The following SARDH variants were observed in gnomAD, a reference collection of about 807,000 sequenced individuals.
SARDH encodes the protein sarcosine dehydrogenase.
In SARDH, 95 loss-of-function variants were observed where a neutral mutation model predicts 109.1. That is an observed-to-expected ratio of 0.87 (90% CI 0.74 to 1.03). The LOEUF is 1.03. Ranked by LOEUF, SARDH falls within the 50% of genes least tolerant of loss-of-function variation. SARDH has a pLI of 0.00. For missense variants in SARDH, 1,267 were observed against 1,287.8 expected, an observed-to-expected ratio of 0.98 and a Z score of 0.25; for synonymous variants, 572 against 534.8, an observed-to-expected ratio of 1.07 and a Z score of -0.96.
intron 14 of SARDH, 74 bp downstream of exon 14, chr9:133,696,149 G>A: frequency 1.3e-6 from 2 of 1,581,036 alleles, no homozygotes; most frequent in South Asian, 1.1e-5. Flanking sequence ...AGGGTGGCTT[G>A]CCAGCTCATC....
intron 8 of SARDH, among the ~76,000 whole-genome samples, chr9:133,716,736 G>C (rs146674075): frequency 6.6e-6 from 1 of 151,506 alleles, no homozygotes; most frequent in African/African-American, 2.4e-5. Context: ...AGGAGGGCCA[G>C]AGTTAGGGGA....
In SARDH at chr9:133,708,423, A is replaced by T. The variant is rs553041602; in HGVS notation, c.1334T>A (p.Phe445Tyr). 3 of 1,609,408 alleles carry T rather than the reference A, an allele frequency of 1.9e-6. No homozygotes were observed. In the African/African-American group the frequency reaches 4.0e-5, roughly 21 times the overall value. The part of the protein sequence containing the change: ...KDMHGYDIRR[F>Y]HHSLTDHPRW... ...GGGGTGGTCCGTGAGCGAGTGATGGAAGCGCCTGCCGCAGACAGGGGGACG... is the reference window on the plus strand; with the variant it reads ...GGGGTGGTCCGTGAGCGAGTGATGGTAGCGCCTGCCGCAGACAGGGGGACG... The change falls in exon 11 of 21, where the codon TTC (phenylalanine) becomes TAC (tyrosine). Residue 445 changes from phenylalanine to tyrosine, a missense_variant. Transcript: ENST00000439388.
In SARDH at chr9:133,663,578, C is replaced by T. The variant is rs565726013; in HGVS notation, c.*311G>A. 1.7e-4 allele frequency: 63 copies of T among 360,572 alleles called. 1 individual carries two copies. In the Middle Eastern group the frequency reaches 2.9e-3, roughly 17 times the overall value. 22.3% of individuals were successfully genotyped at this position (360,572 alleles called of 1,614,324 possible). ...TTCGCTGTTTTCACGTGGGGCTTAT[C>T]AAGTATTTACTAAGCACCTTCTAGA... On this transcript the variant is annotated 3_prime_UTR_variant, in exon 21 of 21. Coordinates refer to ENST00000439388, the MANE Select transcript of SARDH (RefSeq NM_001134707.2).
intron 6 of SARDH, among the ~76,000 whole-genome samples, chr9:133,721,360 T>G (rs1206575260): frequency 6.6e-6 from 1 of 152,222 alleles, no homozygotes; most frequent in Non-Finnish European, 1.5e-5. Flanking sequence ...CTAGATCCTG[T>G]CAAGCCATCA....
At chr9:133,717,906 TTTG>T (rs1472125384) in intron 7 of SARDH, among the ~76,000 whole-genome samples, 2 of 152,186 alleles carry the variant, frequency 1.3e-5, no homozygotes, top group African/African-American at 2.4e-5. Context: ...GGCACGCTGG[TTTG>T]TTGTCGCGGT....
At position 133,733,966 on chromosome 9, in the gene SARDH, C is replaced by T. The variant is rs1832774924; in HGVS notation, c.208G>A (p.Val70Met). ...SRPLPSTANV[V>M]VIGGGSLGCQ... ...CCCAAGCTGCCTCCACCAATGACCA[C>T]CACGTTGGCCGTGCTGGGCAGGGGC... Residue 70 changes from valine (V) to methionine (M), a missense_variant, in exon 2 of 21, where the codon GTG becomes ATG. By Grantham distance (21) the Val-to-Met change is conservative. Transcript: ENST00000439388. 6.2e-7 allele frequency: 1 copy of T among 1,610,728 alleles called. No homozygotes were observed. Among genetic ancestry groups the T allele is most frequent in the Non-Finnish European group, 8.5e-7 (1 of 1,178,828 alleles).
At chr9:133,723,749 C>T (rs766788558) in intron 6 of SARDH, among the ~76,000 whole-genome samples, 16 of 152,262 alleles carry the variant, frequency 1.1e-4, no homozygotes, top group South Asian at 4.1e-4. Context: ...GGCAAAAGAG[C>T]GAGACGCTGT....
chr9:133,712,599 A>G lies in SARDH; in HGVS notation c.1328+20T>C, dbSNP rs1306990539. The G allele has an allele frequency of 6.3e-7, 1 of 1,593,588 alleles. No homozygotes were observed. Among genetic ancestry groups the G allele is most frequent in the African/African-American group, 1.3e-5 (1 of 74,680 alleles). ...GTCCTGAGTGGCGGGCCCTGCCCTT[A>G]GGTCCCAATGGGCACTTACCTGATG... On this transcript the variant is annotated intron_variant, in intron 10 of 20. Coordinates refer to ENST00000439388, the MANE Select transcript of SARDH (RefSeq NM_001134707.2). This position sits in a 1 kb window ranked among gnomAD's most constrained non-coding sequence, Gnocchi z 4.1.
At chr9:133,687,526 T>C (rs2797823) in intron 16 of SARDH, among the ~76,000 whole-genome samples, 56,551 of 151,976 alleles carry the variant, frequency 0.37, 10,576 homozygotes, top group East Asian at 0.43. Flanking sequence ...AGCGATCTTA[T>C]CACCTCGGCC....
intron 17 of SARDH, among the ~76,000 whole-genome samples, chr9:133,674,349 A>G (rs1266426843): frequency 6.6e-6 from 1 of 152,252 alleles, no homozygotes; most frequent in African/African-American, 2.4e-5. Flanking sequence ...TGCACCAAGC[A>G]CATGGTCCCG....
intron 15 of SARDH, 107 bp downstream of exon 15, chr9:133,694,151 C>G: frequency 1.3e-6 from 1 of 796,300 alleles, no homozygotes; most frequent in Non-Finnish European, 2.0e-6. Context: ...CAGCTAATGA[C>G]AGAGCTGCCG....
Position 133,663,784 on chromosome 9 carries a change from G to A in SARDH, c.*105C>T, listed in dbSNP as rs1409689027. Reference sequence around the variant, plus strand: ...CAGGACTAGGCCTAGGCTAAGGACAGGGAGGGCACAAGTTCTGGCTGGGTC... The same window carrying A: ...CAGGACTAGGCCTAGGCTAAGGACAAGGAGGGCACAAGTTCTGGCTGGGTC... On this transcript the variant is annotated 3_prime_UTR_variant, in exon 21 of 21. Transcript: ENST00000439388. The A allele has an allele frequency of 1.3e-6, 2 of 1,501,976 alleles. No homozygotes were observed. The highest frequency in any genetic ancestry group is 3.7e-5 in the Admixed American group (2 of 53,988). The allele number at this position is 1,501,976 out of a possible 1,614,324, so 93.0% of individuals were successfully genotyped here. A position where few individuals can be genotyped will look rare whatever the true frequency, so the allele number is the denominator to read the frequency against.
intron 18 of SARDH, among the ~76,000 whole-genome samples, chr9:133,671,181 G>C (rs1359233493): frequency 1.4e-4 from 22 of 152,226 alleles, no homozygotes; most frequent in Non-Finnish European, 4.4e-5. Context: ...CTGCTCCCTG[G>C]CTCCATTCTT....
At chr9:133,717,516 C>G in intron 7 of SARDH, 61 bp from the exon 8 acceptor site, 1 of 1,598,934 alleles carries the variant, frequency 6.3e-7, no homozygotes, top group Non-Finnish European at 8.5e-7. Flanking sequence ...CATCCCCATG[C>G]CAAACCTGCC....
In SARDH at chr9:133,667,350, G is replaced by C. The variant is rs1405383527; in HGVS notation, c.2496-480C>G. Among the ~76,000 whole-genome samples, 5 of 152,026 alleles carry C rather than the reference G, an allele frequency of 3.3e-5. No individual in the cohort carries two copies. The East Asian group carries it at 9.7e-4, about 30-fold the overall frequency. ...CCCGGCTAATTTTGTATTTTTAATA[G>C]AGATGGGGTTTCATCATGTTGGCCA... On this transcript the variant is annotated intron_variant, in intron 19 of 20. Transcript: ENST00000439388.
intron 2 of SARDH, 138 bp from the exon 3 acceptor site, chr9:133,732,739 G>T: frequency 5.3e-6 from 5 of 943,996 alleles, no homozygotes; most frequent in Non-Finnish European, 7.7e-6. Context: ...GACCTGGGGG[G>T]CCTGGAGAGG....
At chr9:133,683,412 C>T (rs548974140) in intron 17 of SARDH, among the ~76,000 whole-genome samples, 4 of 152,370 alleles carry the variant, frequency 2.6e-5, no homozygotes, top group South Asian at 4.1e-4. Context: ...TGGGAGAACC[C>T]GCAGCCCCCC....
At chr9:133,710,237 C>T (rs142024178) in intron 10 of SARDH, among the ~76,000 whole-genome samples, 3 of 152,340 alleles carry the variant, frequency 2.0e-5, no homozygotes, top group Non-Finnish European at 4.4e-5. Context: ...ACATTGTTCC[C>T]ATTTTCCAGG....
At chr9:133,668,320 C>T (rs1276550420) in intron 19 of SARDH, among the ~76,000 whole-genome samples, 5 of 135,674 alleles carry the variant, frequency 3.7e-5, no homozygotes, top group Admixed American at 7.2e-5. Context: ...TCTCCCCCAC[C>T]CTCCCTCTCC....
Sources: allele counts gnomAD v4.1 joint callset (sites outside exome capture counted in the v4.1 genomes callset), GRCh38; gene constraint gnomAD v4.1.1; non-coding constraint Gnocchi (gnomAD v3.1); transcripts MANE v1.5; gene names NCBI Gene and HGNC (gene_info 2026-07-23, HGNC 2026-07-21).